Variants in FMN2 observed in about 807,000 individuals in gnomAD.
The protein encoded by FMN2 is formin-2.
A neutral mutation model predicts 142.3 loss-of-function variants in FMN2; 51 were observed. The observed-to-expected ratio is 0.36, with a 90% CI of 0.29 to 0.45. The LOEUF is 0.45. Among genes scored for constraint, FMN2 ranks in the 20% least tolerant of loss-of-function variants. The pLI, the probability that FMN2 is intolerant of heterozygous loss-of-function variation, is 1.00. For missense variants in FMN2, 1,936 were observed against 2,122.8 expected (o/e 0.91, Z 1.73); for synonymous variants, 882 against 869.8 (o/e 1.01, Z -0.25).
intron 8 of FMN2, among the ~76,000 whole-genome samples, chr1:240,323,161 TTC>T (rs760889427): frequency 1.5e-4 from 23 of 150,504 alleles, no homozygotes; most frequent in Non-Finnish European, 2.1e-4. Context: ...CTCTTTCTCT[TTC>T]TCTCTTTCTC....
chr1:240,445,004 T>A (rs954017405), intron 16 of FMN2, among the ~76,000 whole-genome samples: 3 of 152,210 alleles, frequency 2.0e-5, no homozygotes, highest in African/African-American at 7.2e-5. Context: ...TTCACTCTTT[T>A]CATTCAGGCA....
At chr1:240,155,612 A>T (rs6666380) in intron 2 of FMN2, among the ~76,000 whole-genome samples, 4,805 of 152,158 alleles carry the variant, frequency 0.032, 112 homozygotes, top group Non-Finnish European at 0.049. Flanking sequence ...TGAGAGCCCA[A>T]AGTGATTGAG....
At chr1:240,372,375 G>C (rs1285201950) in intron 14 of FMN2, among the ~76,000 whole-genome samples, 3 of 152,072 alleles carry the variant, frequency 2.0e-5, no homozygotes, top group African/African-American at 7.2e-5. Context: ...TGAATTCTTG[G>C]GTTTGAAAGA....
intron 8 of FMN2, among the ~76,000 whole-genome samples, chr1:240,317,245 G>A (rs1670816515): frequency 6.6e-6 from 1 of 151,984 alleles, no homozygotes; most frequent in African/African-American, 2.4e-5. Flanking sequence ...GAACCCAGGA[G>A]GCAGAGGTTG....
At chr1:240,160,634 T>G (rs1024865332) in intron 2 of FMN2, among the ~76,000 whole-genome samples, 7 of 151,930 alleles carry the variant, frequency 4.6e-5, no homozygotes, top group African/African-American at 1.7e-4. Flanking sequence ...AGGACAATTA[T>G]AAGAAATCTA....
At chr1:240,437,226 C>A (rs1021895921) in intron 15 of FMN2, among the ~76,000 whole-genome samples, 1 of 151,762 alleles carries the variant, frequency 6.6e-6, no homozygotes, top group African/African-American at 2.4e-5. Context: ...GTCCTGGCTG[C>A]CATATTGGTC....
At chr1:240,446,382 T>A (rs1412045219) in intron 16 of FMN2, among the ~76,000 whole-genome samples, 2 of 152,182 alleles carry the variant, frequency 1.3e-5, no homozygotes, top group Non-Finnish European at 2.9e-5. Flanking sequence ...ATTTGAACAT[T>A]GTAGCATCTT....
At chr1:240,417,179 G>T (rs563441397) in intron 15 of FMN2, among the ~76,000 whole-genome samples, 13 of 148,626 alleles carry the variant, frequency 8.7e-5, no homozygotes, top group East Asian at 3.9e-4. Flanking sequence ...GTAAATATTT[G>T]TATGTCCTTG....
intron 2 of FMN2, among the ~76,000 whole-genome samples, chr1:240,171,473 C>T (rs1212956418): frequency 6.6e-6 from 1 of 152,100 alleles, no homozygotes; most frequent in Non-Finnish European, 1.5e-5. Context: ...CTCTCCTCCA[C>T]ATAAATAATT....
chr1:240,214,317 C>T (rs756264112), intron 6 of FMN2, among the ~76,000 whole-genome samples: 11 of 151,950 alleles, frequency 7.2e-5, no homozygotes, highest in South Asian at 4.1e-4. Flanking sequence ...TTTCAGAGGC[C>T]GAGGCGGGCG....
At chr1:240,408,717 C>G (rs1674294989) in intron 15 of FMN2, among the ~76,000 whole-genome samples, 1 of 152,106 alleles carries the variant, frequency 6.6e-6, no homozygotes, top group South Asian at 2.1e-4. Context: ...AATATTCAAT[C>G]TATGAATCGA....
chr1:240,363,346 T>C (rs1284930189), intron 14 of FMN2, among the ~76,000 whole-genome samples: 1 of 152,230 alleles, frequency 6.6e-6, no homozygotes, highest in Non-Finnish European at 1.5e-5. Context: ...CTTTTTACCA[T>C]TGTGAATTTG....
chr1:240,169,467 T>C (rs1162452952), intron 2 of FMN2, among the ~76,000 whole-genome samples: 1 of 152,106 alleles, frequency 6.6e-6, no homozygotes. Flanking sequence ...GATTTGATAT[T>C]GTTTTGTTTT....
intron 1 of FMN2, among the ~76,000 whole-genome samples, chr1:240,110,781 TAATA>T (rs1661781355): frequency 6.6e-6 from 1 of 152,220 alleles, no homozygotes. Flanking sequence ...GATGTGAATT[TAATA>T]AATATAGTAA....
chr1:240,295,925 G>C (rs1206817575), intron 8 of FMN2, among the ~76,000 whole-genome samples: 1 of 152,136 alleles, frequency 6.6e-6, no homozygotes, highest in African/African-American at 2.4e-5. Context: ...ACCAACACCT[G>C]TTATCTCTCT....
intron 15 of FMN2, among the ~76,000 whole-genome samples, chr1:240,424,136 CTG>C (rs1389416211): frequency 6.6e-6 from 1 of 152,088 alleles, no homozygotes; most frequent in Non-Finnish European, 1.5e-5. Context: ...AGCTCTGTGT[CTG>C]TGTATACATA....
At chr1:240,171,938 C>A (rs1254381887) in intron 2 of FMN2, among the ~76,000 whole-genome samples, 1 of 152,066 alleles carries the variant, frequency 6.6e-6, no homozygotes, top group East Asian at 1.9e-4. Context: ...CCGCAAAAGC[C>A]AAAACAGATC....
chr1:240,186,320 C>A (rs974897847), intron 3 of FMN2, among the ~76,000 whole-genome samples: 1 of 152,144 alleles, frequency 6.6e-6, no homozygotes, highest in Non-Finnish European at 1.5e-5. Context: ...TTCACTCCTA[C>A]AATTACTCAA....
At chr1:240,118,197 G>A (rs1402696237) in intron 1 of FMN2, among the ~76,000 whole-genome samples, 1 of 152,118 alleles carries the variant, frequency 6.6e-6, no homozygotes, top group Admixed American at 6.6e-5. Context: ...GACTGATTGG[G>A]GCTGTTGCCT....
Sources: allele counts gnomAD v4.1 joint callset (sites outside exome capture counted in the v4.1 genomes callset), GRCh38; gene constraint gnomAD v4.1.1; transcripts MANE v1.5; gene names NCBI Gene and HGNC (gene_info 2026-07-23, HGNC 2026-07-21).